CCDC80: variants seen among roughly 807,000 people sequenced by gnomAD.
The protein encoded by CCDC80 is coiled-coil domain-containing protein 80.
CCDC80 carries 49 observed loss-of-function variants against 78.7 expected under a neutral mutation model. The observed-to-expected ratio is 0.62, with a 90% confidence interval of 0.50 to 0.79. The LOEUF is 0.79. Among genes scored for constraint, CCDC80 ranks in the 30% least tolerant of loss-of-function variants. The probability of loss-of-function intolerance (pLI) is 0.00; values close to 1 mark genes in which losing one functional copy is unlikely to be tolerated. For synonymous variants in CCDC80, 488 were observed against 447.0 expected (o/e 1.09, Z -1.16); for missense variants, 1,205 against 1,198.6 (o/e 1.01, Z -0.08).
At chr3:112,621,817 T>C (rs555302456) in intron 3 of CCDC80, among the ~76,000 whole-genome samples, 1 of 152,268 alleles carries the variant, frequency 6.6e-6, no homozygotes, top group East Asian at 1.9e-4. Context: ...GTTGATGTAG[T>C]AAAAGAGGGG....
At chr3:112,606,674 C>T (rs537616751) in intron 7 of CCDC80, among the ~76,000 whole-genome samples, 1 of 151,938 alleles carries the variant, frequency 6.6e-6, no homozygotes, top group South Asian at 2.1e-4. Flanking sequence ...TTCTGCCCAC[C>T]TCGGCCTCCC....
chr3:112,609,015 G>A (rs1935569965), intron 6 of CCDC80, among the ~76,000 whole-genome samples: 1 of 152,082 alleles, frequency 6.6e-6, no homozygotes, highest in Non-Finnish European at 1.5e-5. Context: ...TCCTAATAGA[G>A]GCATCAAAAT....
rs762009043 is a variant in CCDC80 at position 112,638,289 on chromosome 3, C to A, written c.1617G>T (p.Lys539Asn). The change falls in exon 2 of 8, where the codon AAG (lysine) becomes AAT (asparagine). Residue 539 changes from lysine (K) to asparagine (N), a missense_variant. By Grantham distance (94) the Lys-to-Asn change is moderately conservative. Coordinates refer to ENST00000206423, the MANE Select transcript of CCDC80 (RefSeq NM_199511.3). ...VPLKKAKESK[K>N]HEKLEKPEKE... ...TCTCTGGTTTCTCAAGCTTTTCATG[C>A]TTTTTAGACTCCTTTGCTTTTTTAA... The A allele has an allele frequency of 3.7e-6, 6 of 1,613,982 alleles. No homozygotes were observed. The highest frequency in any genetic ancestry group is 5.1e-6 in the Non-Finnish European group (6 of 1,179,968).
intron 5 of CCDC80, among the ~76,000 whole-genome samples, chr3:112,611,468 A>T (rs916825151): frequency 6.6e-5 from 10 of 152,178 alleles, no homozygotes; most frequent in African/African-American, 2.4e-4. Context: ...CACCAACGCA[A>T]TATGGTTCTT....
rs757093751 is a variant in CCDC80, at chr3:112,639,423, T to C, written c.483A>G (p.Glu161=). ...VWVISAPHAS[E]GYYRLMMSLL... Reference sequence around the variant, plus strand: ...GGCTCATCATGAGGCGGTAGTAGCCTTCCGAGGCATGAGGGGCTGAGATGA... The same window carrying C: ...GGCTCATCATGAGGCGGTAGTAGCCCTCCGAGGCATGAGGGGCTGAGATGA... Residue 161 remains glutamate, a synonymous_variant, in exon 2 of 8, where the codon GAA becomes GAG. Coordinates refer to ENST00000206423, the MANE Select transcript of CCDC80 (RefSeq NM_199511.3). 1 of 1,614,168 alleles carries C rather than the reference T, an allele frequency of 6.2e-7. No individual in the cohort carries two copies. Among genetic ancestry groups the C allele is most frequent in the Non-Finnish European group, 8.5e-7 (1 of 1,180,024 alleles).
intron 3 of CCDC80, among the ~76,000 whole-genome samples, chr3:112,628,057 G>A (rs1936014300): frequency 2.0e-5 from 3 of 152,200 alleles, no homozygotes; most frequent in African/African-American, 4.8e-5. Context: ...AGAACACTTT[G>A]TGAAAGTGTT....
chr3:112,616,577 G>A, intron 5 of CCDC80, 133 bp downstream of exon 5: 1 of 985,906 alleles, frequency 1.0e-6, no homozygotes, highest in Non-Finnish European at 1.5e-6. Flanking sequence ...AGTGGCCAGA[G>A]ATGGGTAGGT....
chr3:112,636,711 C>T (rs1431423590), intron 2 of CCDC80, among the ~76,000 whole-genome samples: 2 of 152,160 alleles, frequency 1.3e-5, no homozygotes, highest in Non-Finnish European at 2.9e-5. Flanking sequence ...AAAAGAGTGT[C>T]TGTCTCTTTT....
In CCDC80 at chr3:112,639,292, C is replaced by T. The variant is rs1216753978; in HGVS notation, c.614G>A (p.Ser205Asn). 6.2e-7 allele frequency: 1 copy of T among 1,614,096 alleles called. No individual in the cohort carries two copies. The highest frequency in any genetic ancestry group is 2.2e-5 in the East Asian group (1 of 44,890). ...EEGGKVRRIT[S>N]EGQILEQPLD... The stretch of plus-strand genomic sequence containing the variant: ...GGGCTGCTCCAGGATCTGGCCCTCG[C>T]TGGTGATCCTTCTCACCTTGCCTCC... The change falls in exon 2 of 8, where the codon AGC becomes AAC. Residue 205 changes from serine to asparagine, a missense_variant. Physicochemically the swap from Ser to Asn is conservative, Grantham distance 46. Coordinates refer to ENST00000206423, the MANE Select transcript of CCDC80 (RefSeq NM_199511.3).
In CCDC80 at chr3:112,597,511, A is replaced by G. The variant is rs1263470951; in HGVS notation, c.*7906T>C. 2.6e-5 allele frequency: 4 copies of G among 151,914 alleles called. No homozygotes were observed. Among genetic ancestry groups the G allele is most frequent in the African/African-American group, 7.3e-5 (3 of 41,322 alleles). 9.4% of individuals were successfully genotyped at this position (151,914 alleles called of 1,614,324 possible). The stretch of plus-strand genomic sequence containing the variant: ...TGGTGAAATTTTTTTCTATGAATTC[A>G]TTACTTTTTAGTTTATTTCAGGGAG... On this transcript the variant is annotated 3_prime_UTR_variant, in exon 8 of 8. Coordinates refer to ENST00000206423, the MANE Select transcript of CCDC80 (RefSeq NM_199511.3).
chr3:112,605,636 C>T lies in CCDC80; in HGVS notation c.2634G>A (p.Trp878Ter), dbSNP rs1354677795. 6.2e-7 allele frequency: 1 copy of T among 1,614,182 alleles called. No homozygotes were observed. Among genetic ancestry groups the T allele is most frequent in the Admixed American group, 1.7e-5 (1 of 60,022 alleles). ...CCATGGACCACATTGGGGAAGGATA[C>T]CAGGATTTGACATTTCCGTCTTTTC... is the stretch of plus-strand genomic sequence containing the variant. ...LVGKDGNVKS[W>*]YPSPMWSMVI... Residue 878 changes from tryptophan (W) to a stop codon, truncating the protein, a stop_gained, in exon 8 of 8, where the codon TGG becomes TGA. Transcript: ENST00000206423. LOFTEE classifies it high-confidence loss of function.
chr3:112,598,795 C>T lies in CCDC80; in HGVS notation c.*6622G>A, dbSNP rs1318613111. 1.3e-5 allele frequency: 2 copies of T among 152,216 alleles called. No individual in the cohort carries two copies. The highest frequency in any genetic ancestry group is 2.4e-5 in the African/African-American group (1 of 41,434). 9.4% of individuals were successfully genotyped at this position (152,216 alleles called of 1,614,324 possible). A position where few individuals can be genotyped will look rare whatever the true frequency, so the allele number is the denominator to read the frequency against. On this transcript the variant is annotated 3_prime_UTR_variant, in exon 8 of 8. Coordinates refer to ENST00000206423, the MANE Select transcript of CCDC80 (RefSeq NM_199511.3). ...TTAGGGTACTCACAATCCTTGCCAA[C>T]CTGATGTCCTTGGAAGCTCCAGTCT...
At position 112,609,989 on chromosome 3, in the gene CCDC80, G is replaced by A. The variant is rs56683778; in HGVS notation, c.2414C>T (p.Ala805Val). The A allele has an allele frequency of 4.9e-3, 7,827 of 1,613,118 alleles. 184 individuals carry two copies. The African/African-American group carries it at 0.054, about 11-fold the overall frequency. Residue 805 changes from alanine (A) to valine (V), a missense_variant, in exon 6 of 8, where the codon GCG (alanine) becomes GTG (valine). Coordinates refer to ENST00000206423, the MANE Select transcript of CCDC80 (RefSeq NM_199511.3). Reference sequence around the variant, plus strand: ...GGCTTCCCACTCACCAAAATTGCACGCCTGACCACTGAGGGCAGAGAGCTG... The same window carrying A: ...GGCTTCCCACTCACCAAAATTGCACACCTGACCACTGAGGGCAGAGAGCTG... Reference protein sequence around the residue: ...SQQLSALSGQACNFGLRHITI... With the variant: ...SQQLSALSGQVCNFGLRHITI...
intron 5 of CCDC80, among the ~76,000 whole-genome samples, chr3:112,614,740 G>T (rs1466771075): frequency 6.6e-6 from 1 of 152,160 alleles, no homozygotes; most frequent in Non-Finnish European, 1.5e-5. Flanking sequence ...CAAATTCTAG[G>T]CCTTTAGGTT....
chr3:112,611,794 G>A (rs1187803603), intron 5 of CCDC80, among the ~76,000 whole-genome samples: 1 of 152,178 alleles, frequency 6.6e-6, no homozygotes, highest in Non-Finnish European at 1.5e-5. Flanking sequence ...GGTGACCGCA[G>A]GGTGTTGGTG....
Position 112,605,405 on chromosome 3 carries a change from A to G in CCDC80, c.*12T>C. The G allele has an allele frequency of 6.3e-7, 1 of 1,590,518 alleles. No homozygotes were observed. The highest frequency in any genetic ancestry group is 8.6e-7 in the Non-Finnish European group (1 of 1,162,164). ...GAGGAAACTGGCTGAGTCTAAGGTT[A>G]CATATTTCTGCTCAGTAAGGGTATC... On this transcript the variant is annotated 3_prime_UTR_variant, in exon 8 of 8. Coordinates refer to ENST00000206423, the MANE Select transcript of CCDC80 (RefSeq NM_199511.3).
intron 6 of CCDC80, among the ~76,000 whole-genome samples, chr3:112,607,480 A>AAAAAG (rs943402235): frequency 4.0e-4 from 61 of 152,308 alleles, no homozygotes; most frequent in African/African-American, 1.3e-3. Flanking sequence ...CTAAATGACA[A>AAAAAG]AAAAGAAAAG....
At chr3:112,607,478 C>CA (rs1401822512) in intron 6 of CCDC80, among the ~76,000 whole-genome samples, 1 of 152,030 alleles carries the variant, frequency 6.6e-6, no homozygotes, top group African/African-American at 2.4e-5. Flanking sequence ...TACTAAATGA[C>CA]AAAAAAGAAA....
rs1442091499 is a variant in CCDC80 at position 112,601,693 on chromosome 3, AAAAG to A, written c.*3720_*3723del. On this transcript the variant is annotated 3_prime_UTR_variant, in exon 8 of 8. Coordinates refer to ENST00000206423, the MANE Select transcript of CCDC80 (RefSeq NM_199511.3). ...GACCCTCTCCAAAAAAAGAAAAAAAAAAAGAGAAAAAAAAGAAGCAGCAGCAACG... is the reference window on the plus strand; with the variant it reads ...GACCCTCTCCAAAAAAAGAAAAAAAAAGAAAAAAAAGAAGCAGCAGCAACG... The A allele has an allele frequency of 3.4e-5, 1 of 29,074 alleles. No individual in the cohort carries two copies. Among genetic ancestry groups the A allele is most frequent in the African/African-American group, 8.3e-5 (1 of 12,098 alleles). The allele number at this position is 29,074 out of a possible 1,614,324, so 1.8% of individuals were successfully genotyped here. A position where few individuals can be genotyped will look rare whatever the true frequency, so the allele number is the denominator to read the frequency against.
Sources: allele counts gnomAD v4.1 joint callset (sites outside exome capture counted in the v4.1 genomes callset), GRCh38; gene constraint gnomAD v4.1.1; transcripts MANE v1.5; gene names NCBI Gene and HGNC (gene_info 2026-07-23, HGNC 2026-07-21).